CPNE2: variants seen among roughly 807,000 people sequenced by gnomAD.
CPNE2 encodes copine 2, also known as copine-2.
In CPNE2, 42 loss-of-function variants were observed where a neutral mutation model predicts 69.7. That is an observed-to-expected ratio of 0.60 (90% CI 0.47 to 0.78). The LOEUF is 0.78. CPNE2 is among the 30% of genes least tolerant of loss of function. The pLI is 0.00. For synonymous variants in CPNE2, 294 were observed against 289.8 expected (o/e 1.01, Z -0.15); for missense variants, 587 against 732.0 (o/e 0.80, Z 2.29).
chr16:57,125,619 C>G, intron 10 of CPNE2: 1 of 555,330 alleles, frequency 1.8e-6, no homozygotes, highest in Non-Finnish European at 3.2e-6. Context: ...GTACGTTAGT[C>G]TCTTATGTCA....
In CPNE2 at chr16:57,125,613, G is replaced by A. The variant is rs150548785; in HGVS notation, c.928-247G>A. The A allele has an allele frequency of 2.4e-5, 13 of 543,040 alleles. No individual in the cohort carries two copies. The East Asian group carries it at 2.9e-4, about 12-fold the overall frequency. The allele number at this position is 543,040 out of a possible 1,614,324, so 33.6% of individuals were successfully genotyped here. A position where few individuals can be genotyped will look rare whatever the true frequency, so the allele number is the denominator to read the frequency against. ...GAGAAAAAGGAATCTGGGACTGTAC[G>A]TTAGTCTCTTATGTCATCACATCTA... is the stretch of plus-strand genomic sequence containing the variant. On this transcript the variant is annotated intron_variant, in intron 10 of 15. Transcript: ENST00000290776.
chr16:57,137,334 G>T, intron 14 of CPNE2, 52 bp downstream of exon 14: 1 of 1,602,206 alleles, frequency 6.2e-7, no homozygotes, highest in South Asian at 1.1e-5. Flanking sequence ...ACGTCCTCTG[G>T]GCTGGGGGGC....
chr16:57,103,742 T>C (rs1329811155), intron 1 of CPNE2, among the ~76,000 whole-genome samples: 1 of 152,148 alleles, frequency 6.6e-6, no homozygotes, highest in Non-Finnish European at 1.5e-5. Context: ...TCCCCGACAG[T>C]GAGCTCCTTT....
chr16:57,126,044 G>A, intron 11 of CPNE2, 51 bp downstream of exon 11: 1 of 1,606,552 alleles, frequency 6.2e-7, no homozygotes, highest in East Asian at 2.2e-5. Flanking sequence ...ATCCAACCTG[G>A]GAAGCTCAGT....
At chr16:57,128,624 G>A (rs1451817971) in intron 12 of CPNE2, among the ~76,000 whole-genome samples, 1 of 152,192 alleles carries the variant, frequency 6.6e-6, no homozygotes, top group Non-Finnish European at 1.5e-5. Flanking sequence ...TCAAGGTTTT[G>A]TATGGATCTA....
chr16:57,133,235 C>T (rs757009862), intron 12 of CPNE2, among the ~76,000 whole-genome samples: 36 of 152,120 alleles, frequency 2.4e-4, no homozygotes, highest in Non-Finnish European at 5.0e-4. Flanking sequence ...AGGGACAGGA[C>T]CCAAGAGGGA....
Position 57,119,200 on chromosome 16 carries a change from C to T in CPNE2, c.513C>T (p.Leu171=). 6.2e-7 allele frequency: 1 copy of T among 1,614,074 alleles called. No homozygotes were observed. The highest frequency in any genetic ancestry group is 8.5e-7 in the Non-Finnish European group (1 of 1,179,972). Residue 171 remains leucine (L), a synonymous_variant, in exon 6 of 16, where the codon CTC becomes CTT. Transcript: ENST00000290776. ...CATCCTCCCACTTCTCCCAGGACCT[C>T]TTTGGGAAGTCAGACCCCTTTCTGG... ...LAGRRLDKKD[L]FGKSDPFLEF...
At chr16:57,125,787 C>G in intron 10 of CPNE2, 73 bp from the exon 11 acceptor site, 1 of 1,590,002 alleles carries the variant, frequency 6.3e-7, no homozygotes, top group South Asian at 1.1e-5. Context: ...ATCTACCTCT[C>G]CTATTCCCTG....
intron 1 of CPNE2, among the ~76,000 whole-genome samples, chr16:57,093,175 TC>T (rs368552740): frequency 7.9e-5 from 12 of 152,144 alleles, no homozygotes; most frequent in Non-Finnish European, 1.6e-4. Context: ...GCCCTGGCTC[TC>T]GGCGGGCGCT....
In CPNE2 at chr16:57,125,965, G is replaced by A. The variant is rs1480788927; in HGVS notation, c.1033G>A (p.Val345Ile). Residue 345 changes from valine to isoleucine, a missense_variant, in exon 11 of 16, where the codon GTT (valine) becomes ATT (isoleucine). Val to Ile is a conservative substitution (Grantham distance 29). Around this residue, in one of 5 missense-constraint regions of CPNE2, gnomAD observed 269 missense variants for 300.5 expected, o/e 0.90. Coordinates refer to ENST00000290776, the MANE Select transcript of CPNE2 (RefSeq NM_152727.6). ...TNEYLSAIWA[V>I]GQIIQDYDSD... ...CGAATATCTGTCGGCCATCTGGGCT[G>A]TTGGGCAGATCATTCAGGACTACGA... 1 of 1,614,198 alleles carries A rather than the reference G, an allele frequency of 6.2e-7. No individual in the cohort carries two copies. Among genetic ancestry groups the A allele is most frequent in the African/African-American group, 1.3e-5 (1 of 75,064 alleles).
rs1188763813 is a variant in CPNE2 at position 57,094,249 on chromosome 16, G to T, written c.-36+1459G>T. Among the ~76,000 whole-genome samples, 2 of 152,186 alleles carry T rather than the reference G, an allele frequency of 1.3e-5. 1 individual carries two copies. Among genetic ancestry groups the T allele is most frequent in the South Asian group, 4.1e-4 (2 of 4,832 alleles). ...CCTTGTCACCCCTTGGACTTGGGGG[G>T]TTTTCTGTCTGTAAAATGAGGCAAA... On this transcript the variant is annotated intron_variant, in intron 1 of 15. Transcript: ENST00000290776.
chr16:57,095,434 T>C (rs2069572691), intron 1 of CPNE2, among the ~76,000 whole-genome samples: 2 of 152,220 alleles, frequency 1.3e-5, no homozygotes, highest in Non-Finnish European at 2.9e-5. Context: ...TGCTGTTCCA[T>C]ACCCTGGAAT....
In CPNE2 at chr16:57,146,687, GC is replaced by G. The variant is rs1363815630; in HGVS notation, c.1539+370del. ...AGAGAGGGGTTTTCCTGATCATCAC[GC>G]CCCAGCAAGCCCCCTCATTTTGTAG... On this transcript the variant is annotated intron_variant, in intron 15 of 15. Transcript: ENST00000290776. This position sits in a 1 kb window ranked among gnomAD's most constrained non-coding sequence, Gnocchi z 4.4. The G allele has an allele frequency of 5.1e-6, 1 of 198,006 alleles. No individual in the cohort carries two copies. Among genetic ancestry groups the G allele is most frequent in the African/African-American group, 2.4e-5 (1 of 42,406 alleles). 12.3% of individuals were successfully genotyped at this position (198,006 alleles called of 1,614,324 possible).
chr16:57,147,547 G>A lies in CPNE2; in HGVS notation c.1540-4G>A, dbSNP rs1227269841. On this transcript the variant is annotated splice_region_variant and splice_polypyrimidine_tract_variant and intron_variant, in intron 15 of 15. Transcript: ENST00000290776. The stretch of plus-strand genomic sequence containing the variant: ...TCCCCACCCCACCCTCCTCCACCCT[G>A]CAGGCAGCAAAAGAGACCTTGGCCA... 12 of 1,589,396 alleles carry A rather than the reference G, an allele frequency of 7.6e-6. No individual in the cohort carries two copies. Among genetic ancestry groups the A allele is most frequent in the Middle Eastern group, 1.7e-4 (1 of 5,956 alleles).
chr16:57,123,585 C>A, intron 10 of CPNE2, 112 bp downstream of exon 10: 1 of 1,171,610 alleles, frequency 8.5e-7, no homozygotes, highest in South Asian at 1.3e-5. Flanking sequence ...TCAGGAAGGA[C>A]TTCCCTGGGG....
At chr16:57,102,039 C>T (rs944142776) in intron 1 of CPNE2, among the ~76,000 whole-genome samples, 14 of 151,820 alleles carry the variant, frequency 9.2e-5, no homozygotes, top group African/African-American at 2.4e-4. Flanking sequence ...CTTGACTTCC[C>T]GGGCTTAGGT....
intron 13 of CPNE2, among the ~76,000 whole-genome samples, chr16:57,135,096 A>G (rs770761595): frequency 1.7e-4 from 26 of 152,118 alleles, no homozygotes; most frequent in Non-Finnish European, 3.4e-4. Flanking sequence ...CAGGATAACT[A>G]TGACAGCTGC....
At position 57,117,397 on chromosome 16, in the gene CPNE2, C is replaced by T. The variant is rs2145253805; in HGVS notation, c.436-99C>T. On this transcript the variant is annotated intron_variant, in intron 4 of 15. Coordinates refer to ENST00000290776, the MANE Select transcript of CPNE2 (RefSeq NM_152727.6). ...ACCTGGAACTGCCCTTCCCTTCCCC[C>T]TCCTAGCCCTGGAGGATTGCTCCTG... The T allele has an allele frequency of 1.4e-5, 17 of 1,238,350 alleles. No homozygotes were observed. The South Asian group carries it at 2.1e-4, about 15-fold the overall frequency. The allele number at this position is 1,238,350 out of a possible 1,614,324, so 76.7% of individuals were successfully genotyped here. A position where few individuals can be genotyped will look rare whatever the true frequency, so the allele number is the denominator to read the frequency against.
At chr16:57,102,322 C>CT (rs2069620132) in intron 1 of CPNE2, among the ~76,000 whole-genome samples, 1 of 152,298 alleles carries the variant, frequency 6.6e-6, no homozygotes, top group South Asian at 2.1e-4. Flanking sequence ...GGTGACAGCT[C>CT]TGAGCCACCA....
Sources: gnomAD v4.1 joint callset for allele counts (sites outside exome capture counted in the v4.1 genomes callset) on GRCh38, gnomAD v4.1.1 for gene constraint, gnomAD v4.1.1 regional missense constraint, Gnocchi (gnomAD v3.1) non-coding constraint, MANE v1.5 for transcripts, NCBI Gene and HGNC (gene_info 2026-07-23, HGNC 2026-07-21) for gene names.